Variants in TMEFF2 observed in about 807,000 individuals in gnomAD.
TMEFF2 encodes transmembrane protein with EGF like and two follistatin like domains 2, also known as tomoregulin-2.
TMEFF2 carries 28 observed loss-of-function variants against 53.8 expected under a neutral mutation model. The observed-to-expected ratio is 0.52, with a 90% confidence interval of 0.39 to 0.71. The LOEUF (loss-of-function observed/expected upper bound fraction) is 0.71, where lower values mean the gene tolerates loss of function less well. TMEFF2 is among the 30% of genes least tolerant of loss of function. The pLI is 0.00. For missense variants in TMEFF2, 353 were observed against 455.2 expected, an observed-to-expected ratio of 0.78 and a Z score of 2.04; for synonymous variants, 162 against 166.3, an observed-to-expected ratio of 0.97 and a Z score of 0.20.
At chr2:192,080,597 G>C (rs1489317816) in intron 4 of TMEFF2, among the ~76,000 whole-genome samples, 2 of 152,200 alleles carry the variant, frequency 1.3e-5, no homozygotes, top group Non-Finnish European at 2.9e-5. Context: ...TTGAGGTAGA[G>C]AGAGTAAGTC....
intron 4 of TMEFF2, among the ~76,000 whole-genome samples, chr2:192,105,852 C>T (rs951554647): frequency 3.3e-5 from 5 of 151,848 alleles, no homozygotes; most frequent in African/African-American, 1.2e-4. Flanking sequence ...TTTTGAGGAA[C>T]ACTTTAGAGA....
At chr2:192,181,241 A>G (rs1691177044) in intron 3 of TMEFF2, among the ~76,000 whole-genome samples, 1 of 151,694 alleles carries the variant, frequency 6.6e-6, no homozygotes, top group South Asian at 2.1e-4. Context: ...CAAAAATTTT[A>G]ATTGATTGTA....
chr2:192,059,433 C>T lies in TMEFF2; in HGVS notation c.440-1658G>A, dbSNP rs188121128. On this transcript the variant is annotated intron_variant, in intron 4 of 9. Coordinates refer to ENST00000272771, the MANE Select transcript of TMEFF2 (RefSeq NM_016192.4). Reference sequence around the variant, plus strand: ...GCTGGGGCCTCATCTCAGGGGAGACCGAACAGCTGAGGTCGGTCTCTTTAT... The same window carrying T: ...GCTGGGGCCTCATCTCAGGGGAGACTGAACAGCTGAGGTCGGTCTCTTTAT... Among the ~76,000 whole-genome samples, 657 of 152,132 alleles carry T rather than the reference C, an allele frequency of 4.3e-3. 5 individuals carry two copies. The highest frequency in any genetic ancestry group is 6.9e-3 in the Admixed American group (105 of 15,270).
chr2:192,004,324 C>CTTG (rs1686446187), intron 5 of TMEFF2, among the ~76,000 whole-genome samples: 1 of 152,188 alleles, frequency 6.6e-6, no homozygotes, highest in Non-Finnish European at 1.5e-5. Flanking sequence ...TTGATGGCAT[C>CTTG]AAAGTCCAAC....
In TMEFF2 at chr2:192,155,389, TAC is replaced by T. The variant is rs149321428; in HGVS notation, c.439+24277_439+24278del. On this transcript the variant is annotated intron_variant, in intron 4 of 9. Coordinates refer to ENST00000272771, the MANE Select transcript of TMEFF2 (RefSeq NM_016192.4). ...GCGTGGGTTTTTAAGTAAAATAAGA[TAC>T]AGATTATGAAAATCCTTATAAACAC... Among the ~76,000 whole-genome samples, 1,427 of 152,068 alleles carry T rather than the reference TAC, an allele frequency of 9.4e-3. 7 individuals are homozygous for T. Among genetic ancestry groups the T allele is most frequent in the South Asian group, 0.019 (91 of 4,820 alleles).
At chr2:192,041,834 T>C (rs1268030467) in intron 5 of TMEFF2, among the ~76,000 whole-genome samples, 1 of 152,078 alleles carries the variant, frequency 6.6e-6, no homozygotes, top group Non-Finnish European at 1.5e-5. Flanking sequence ...CAGTAAAACA[T>C]ATAACGTTTT....
At chr2:192,149,422 T>C (rs1448630669) in intron 4 of TMEFF2, among the ~76,000 whole-genome samples, 1 of 151,902 alleles carries the variant, frequency 6.6e-6, no homozygotes, top group Non-Finnish European at 1.5e-5. Flanking sequence ...ATTGAAAAAA[T>C]AGCTCCAATT....
rs1200893157 is a variant in TMEFF2 at position 192,186,917 on chromosome 2, A to G, written c.283-2434T>C. 4.6e-5 allele frequency among the ~76,000 whole-genome samples: 7 copies of G among 152,302 alleles called. No individual in the cohort carries two copies. In the South Asian group the frequency reaches 1.5e-3, roughly 32 times the overall value. On this transcript the variant is annotated intron_variant, in intron 2 of 9. Transcript: ENST00000272771. ...ATCTTAAAATATCGAATAAACTGATAAAGTGCTCATATGCCGCTTCTGAGG... is the reference window on the plus strand; with the variant it reads ...ATCTTAAAATATCGAATAAACTGATGAAGTGCTCATATGCCGCTTCTGAGG...
intron 3 of TMEFF2, among the ~76,000 whole-genome samples, chr2:192,180,556 T>C (rs1691160506): frequency 6.6e-6 from 1 of 151,748 alleles, no homozygotes; most frequent in African/African-American, 2.4e-5. Context: ...TTAATGTTAA[T>C]ACAGGGAAAT....
At chr2:192,121,982 A>T (rs1689564584) in intron 4 of TMEFF2, among the ~76,000 whole-genome samples, 1 of 152,232 alleles carries the variant, frequency 6.6e-6, no homozygotes, top group Non-Finnish European at 1.5e-5. Flanking sequence ...GTTCTATAGC[A>T]TAATAGAGTG....
rs1368792391 is a variant in TMEFF2, at chr2:192,178,867, A to G, written c.439+801T>C. Reference sequence around the variant, plus strand: ...GCTTTTATTTGTTTTGTTTTTCTTAATCTTGAAATTATATATAGGTTGTGT... The same window carrying G: ...GCTTTTATTTGTTTTGTTTTTCTTAGTCTTGAAATTATATATAGGTTGTGT... On this transcript the variant is annotated intron_variant, in intron 4 of 9. Transcript: ENST00000272771. 2.6e-5 allele frequency: 4 copies of G among 151,274 alleles called. No homozygotes were observed. The East Asian group carries it at 7.7e-4, about 29-fold the overall frequency. 9.4% of individuals were successfully genotyped at this position (151,274 alleles called of 1,614,324 possible).
intron 5 of TMEFF2, among the ~76,000 whole-genome samples, chr2:192,011,527 A>G (rs1258193836): frequency 6.6e-6 from 1 of 152,270 alleles, no homozygotes; most frequent in African/African-American, 2.4e-5. Flanking sequence ...GCTTCATCTC[A>G]GAAGACTTTT....
At chr2:192,139,423 A>G (rs1190094562) in intron 4 of TMEFF2, among the ~76,000 whole-genome samples, 2 of 152,216 alleles carry the variant, frequency 1.3e-5, no homozygotes, top group African/African-American at 4.8e-5. Context: ...ACAAAATAAG[A>G]GCAAAGATTA....
chr2:192,102,772 T>G (rs1472456439), intron 4 of TMEFF2, among the ~76,000 whole-genome samples: 1 of 151,794 alleles, frequency 6.6e-6, no homozygotes, highest in African/African-American at 2.4e-5. Context: ...GGTTTCGTCG[T>G]GTTGGCCAGG....
At chr2:192,171,276 G>T (rs1690906071) in intron 4 of TMEFF2, among the ~76,000 whole-genome samples, 1 of 152,050 alleles carries the variant, frequency 6.6e-6, no homozygotes. Context: ...GTAGCAGAGT[G>T]AATGTCTAAA....
intron 7 of TMEFF2, among the ~76,000 whole-genome samples, chr2:191,984,946 C>T (rs1685942104): frequency 6.6e-6 from 1 of 151,992 alleles, no homozygotes; most frequent in Non-Finnish European, 1.5e-5. Context: ...AGTTAATATA[C>T]TGATACACAA....
At chr2:192,146,648 T>G (rs1690256528) in intron 4 of TMEFF2, among the ~76,000 whole-genome samples, 1 of 152,092 alleles carries the variant, frequency 6.6e-6, no homozygotes, top group Admixed American at 6.6e-5. Context: ...CTATAGTGTG[T>G]GTGTATGTGT....
rs1559115188 is a variant in TMEFF2, at chr2:192,075,316, T to TAA, written c.440-17542_440-17541insTT. Among the ~76,000 whole-genome samples, 78 of 120,550 alleles carry TAA rather than the reference T, an allele frequency of 6.5e-4. 3 individuals are homozygous for TAA. Among genetic ancestry groups the TAA allele is most frequent in the African/African-American group, 2.7e-3 (76 of 28,630 alleles). The allele number at this position is 120,550 out of a possible 152,430, so 79.1% of individuals were successfully genotyped here. A position where few individuals can be genotyped will look rare whatever the true frequency, so the allele number is the denominator to read the frequency against. On this transcript the variant is annotated intron_variant, in intron 4 of 9. Transcript: ENST00000272771. ...ATATATATATATATATATATATATA[T>TAA]ATATATATATATATATACATACATA...
intron 4 of TMEFF2, among the ~76,000 whole-genome samples, chr2:192,142,393 T>C (rs759401519): frequency 3.3e-5 from 5 of 152,074 alleles, no homozygotes; most frequent in Non-Finnish European, 7.4e-5. Flanking sequence ...TCTAAACCCA[T>C]GAAGGAGTAC....
Sources: gnomAD v4.1 joint callset for allele counts (sites outside exome capture counted in the v4.1 genomes callset) on GRCh38, gnomAD v4.1.1 for gene constraint, MANE v1.5 for transcripts, NCBI Gene and HGNC (gene_info 2026-07-23, HGNC 2026-07-21) for gene names.